PSMG2: variants seen among roughly 807,000 people sequenced by gnomAD.
PSMG2 encodes CD40 ligand-activated specific transcript 3.
PSMG2 carries 21 observed loss-of-function variants against 31.5 expected under a neutral mutation model. The ratio of observed to expected loss-of-function variants is 0.67; its 90% CI spans 0.47 to 0.96. The LOEUF (loss-of-function observed/expected upper bound fraction) is 0.96. Ranked by LOEUF, PSMG2 falls within the 40% of genes least tolerant of loss-of-function variation. The probability of loss-of-function intolerance (pLI) is 0.00; values close to 1 mark genes in which losing one functional copy is unlikely to be tolerated. For missense variants in PSMG2, 318 were observed against 321.2 expected, an observed-to-expected ratio of 0.99 and a Z score of 0.08; for synonymous variants, 120 against 110.4, an observed-to-expected ratio of 1.09 and a Z score of -0.54.
At chr18:12,709,666 T>C (rs903676737) in intron 2 of PSMG2, among the ~76,000 whole-genome samples, 2 of 150,788 alleles carry the variant, frequency 1.3e-5, no homozygotes, top group Admixed American at 6.6e-5. Context: ...GCCCAGCTAA[T>C]ATTTTGTATT....
At chr18:12,713,269 T>G (rs2040347905) in intron 3 of PSMG2, among the ~76,000 whole-genome samples, 1 of 152,098 alleles carries the variant, frequency 6.6e-6, no homozygotes, top group African/African-American at 2.4e-5. Context: ...TTTGAAACCC[T>G]CCAGTGGCTT....
intron 1 of PSMG2, among the ~76,000 whole-genome samples, chr18:12,683,512 A>G (rs1487661553): frequency 6.6e-6 from 1 of 152,116 alleles, no homozygotes; most frequent in Non-Finnish European, 1.5e-5. Flanking sequence ...GCACTTTAGG[A>G]GGCAGAGGCG....
intron 2 of PSMG2, among the ~76,000 whole-genome samples, chr18:12,710,998 G>A (rs955554328): frequency 5.9e-5 from 9 of 152,262 alleles, no homozygotes; most frequent in Non-Finnish European, 1.0e-4. Context: ...TACTCAGGAG[G>A]CTGAGACAGG....
intron 1 of PSMG2, chr18:12,679,128 G>C (rs1024013199): frequency 6.6e-6 from 1 of 152,010 alleles, no homozygotes; most frequent in Non-Finnish European, 1.5e-5. Context: ...TTAAAGACAA[G>C]ATGAAGGAAA....
intron 6 of PSMG2, 133 bp downstream of exon 6, chr18:12,724,752 G>A (rs780300548): frequency 1.2e-5 from 12 of 1,040,642 alleles, no homozygotes; most frequent in Non-Finnish European, 1.5e-5. Flanking sequence ...ATAAAATTTA[G>A]TTTAAGCTGA....
At chr18:12,690,616 C>T (rs945223714) in intron 1 of PSMG2, among the ~76,000 whole-genome samples, 3 of 152,062 alleles carry the variant, frequency 2.0e-5, no homozygotes, top group Non-Finnish European at 4.4e-5. Flanking sequence ...CCATCACGCC[C>T]GGCTAATTTT....
At chr18:12,679,193 A>C (rs2039256946) in intron 1 of PSMG2, 1 of 152,202 alleles carries the variant, frequency 6.6e-6, no homozygotes, top group Non-Finnish European at 1.5e-5. Flanking sequence ...GATAAAAAAG[A>C]AGCTAAGGAA....
At position 12,703,092 on chromosome 18, in the gene PSMG2, C is replaced by T. The variant is rs751163319; in HGVS notation, c.-16C>T. 1 of 1,611,396 alleles carries T rather than the reference C, an allele frequency of 6.2e-7. No individual in the cohort carries two copies. Among genetic ancestry groups the T allele is most frequent in the South Asian group, 1.1e-5 (1 of 90,480 alleles). ...CAGGGCCGCGGTTAGTCCCTGCTGG[C>T]CACCCCACTGCGACCATGTTCGTTC... On this transcript the variant is annotated 5_prime_UTR_variant, in exon 1 of 7. Coordinates refer to ENST00000317615, the MANE Select transcript of PSMG2 (RefSeq NM_020232.5).
chr18:12,695,251 T>G, intron 1 of PSMG2: 1 of 1,358,938 alleles, frequency 7.4e-7, no homozygotes, highest in Non-Finnish European at 1.0e-6. Flanking sequence ...CATAAGTATT[T>G]ACCTGTGTGT....
At chr18:12,707,538 T>C (rs780986747) in intron 2 of PSMG2, among the ~76,000 whole-genome samples, 2 of 152,214 alleles carry the variant, frequency 1.3e-5, no homozygotes, top group African/African-American at 4.8e-5. Context: ...ATGCCACTAA[T>C]AGGTGTAGGC....
At chr18:12,660,083 AC>A (rs1397067958) in intron 1 of PSMG2, among the ~76,000 whole-genome samples, 1 of 152,186 alleles carries the variant, frequency 6.6e-6, no homozygotes, top group Admixed American at 6.5e-5. Flanking sequence ...CACTTGGACA[AC>A]TACAGCCAAA....
intron 1 of PSMG2, among the ~76,000 whole-genome samples, chr18:12,695,967 A>C (rs2039942738): frequency 6.6e-6 from 1 of 152,114 alleles, no homozygotes; most frequent in African/African-American, 2.4e-5. Flanking sequence ...GGCTGAGTAG[A>C]AATTTTCAAT....
At chr18:12,720,265 C>T (rs1333953653) in intron 4 of PSMG2, among the ~76,000 whole-genome samples, 1 of 152,198 alleles carries the variant, frequency 6.6e-6, no homozygotes, top group African/African-American at 2.4e-5. Context: ...TTACAGGCTT[C>T]ATGGCAGAAG....
intron 2 of PSMG2, among the ~76,000 whole-genome samples, chr18:12,708,645 C>G (rs906021707): frequency 2.0e-5 from 3 of 148,084 alleles, no homozygotes; most frequent in African/African-American, 7.4e-5. Flanking sequence ...ATTACAGGCA[C>G]AAGCCGCTGC....
At position 12,706,725 on chromosome 18, in the gene PSMG2, T is replaced by A. The variant is rs771514458; in HGVS notation, c.229+4T>A. On this transcript the variant is annotated splice_donor_region_variant and intron_variant, in intron 2 of 6. Coordinates refer to ENST00000317615, the MANE Select transcript of PSMG2 (RefSeq NM_020232.5). Reference sequence around the variant, plus strand: ...GAACTTAGCATAAATGCTGAAGGTATGTAAGACTTTACCTTGTATTTTTCC... The same window carrying A: ...GAACTTAGCATAAATGCTGAAGGTAAGTAAGACTTTACCTTGTATTTTTCC... 1.3e-6 allele frequency: 2 copies of A among 1,592,276 alleles called. No homozygotes were observed. The highest frequency in any genetic ancestry group is 2.3e-5 in the East Asian group (1 of 44,362).
chr18:12,709,011 G>A (rs912959470), intron 2 of PSMG2, among the ~76,000 whole-genome samples: 4 of 150,796 alleles, frequency 2.7e-5, no homozygotes, highest in South Asian at 2.1e-4. Context: ...AACTGCGCCC[G>A]GCCCCCGTAA....
chr18:12,683,941 C>A (rs1223157911), intron 1 of PSMG2, among the ~76,000 whole-genome samples: 1 of 151,012 alleles, frequency 6.6e-6, no homozygotes, highest in Non-Finnish European at 1.5e-5. Flanking sequence ...GGTAAAGTTT[C>A]ACCATTACTG....
intron 3 of PSMG2, among the ~76,000 whole-genome samples, chr18:12,716,773 ATTAC>A (rs1401312848): frequency 1.3e-5 from 2 of 151,992 alleles, no homozygotes; most frequent in African/African-American, 2.4e-5. Flanking sequence ...CCTTATATTT[ATTAC>A]TTAATCCTCA....
intron 1 of PSMG2, chr18:12,678,170 G>A (rs764882115): frequency 2.2e-5 from 35 of 1,613,944 alleles, no homozygotes; most frequent in Middle Eastern, 3.3e-4. Flanking sequence ...TGTTACTGAC[G>A]CGTCAATTGT....
Sources: allele counts gnomAD v4.1 joint callset (sites outside exome capture counted in the v4.1 genomes callset), GRCh38; gene constraint gnomAD v4.1.1; transcripts MANE v1.5; gene names NCBI Gene and HGNC (gene_info 2026-07-23, HGNC 2026-07-21).